SYT1: variants seen among roughly 807,000 people sequenced by gnomAD.
SYT1 encodes the protein synaptotagmin 1, also known as synaptotagmin-1.
Under a neutral mutation model 44.8 loss-of-function variants are expected in SYT1, and 8 were observed. The ratio of observed to expected loss-of-function variants is 0.18; its 90% CI spans 0.10 to 0.32. SYT1 has a LOEUF of 0.32. SYT1 is among the 10% of genes least tolerant of loss of function. The pLI is 1.00. For synonymous variants in SYT1, 154 were observed against 188.8 expected (o/e 0.82, Z 1.51); for missense variants, 286 against 509.3 (o/e 0.56, Z 4.22).
chr12:79,166,822 G>A (rs1333251397), intron 3 of SYT1, among the ~76,000 whole-genome samples: 1 of 151,966 alleles, frequency 6.6e-6, no homozygotes, highest in East Asian at 1.9e-4. Flanking sequence ...AGGATCCTTG[G>A]ACTTGGTAGT....
intron 8 of SYT1, among the ~76,000 whole-genome samples, chr12:79,350,230 C>A (rs1882828516): frequency 6.6e-6 from 1 of 151,696 alleles, no homozygotes; most frequent in Non-Finnish European, 1.5e-5. Context: ...ATCAGGGCCT[C>A]CCCAGGATGC....
intron 2 of SYT1, among the ~76,000 whole-genome samples, chr12:78,981,992 T>A (rs1349376704): frequency 6.6e-6 from 1 of 151,878 alleles, no homozygotes; most frequent in Non-Finnish European, 1.5e-5. Flanking sequence ...AAAAAGGAGG[T>A]ATCTGTCTTG....
At chr12:79,295,240 T>A (rs1879825019) in intron 6 of SYT1, among the ~76,000 whole-genome samples, 1 of 152,176 alleles carries the variant, frequency 6.6e-6, no homozygotes, top group South Asian at 2.1e-4. Context: ...TATGATAGTC[T>A]ACTCACACCT....
intron 1 of SYT1, among the ~76,000 whole-genome samples, chr12:78,912,294 T>C (rs1876383187): frequency 6.6e-6 from 1 of 151,660 alleles, no homozygotes; most frequent in Admixed American, 6.6e-5. Flanking sequence ...AGATGATAAA[T>C]AGAAAAAGGA....
chr12:79,203,668 G>T (rs1880867), intron 3 of SYT1, among the ~76,000 whole-genome samples: 104,610 of 151,724 alleles, frequency 0.69, 36,418 homozygotes, highest in Admixed American at 0.73. Context: ...TGAAAGGAAG[G>T]AATAGCTGTT....
chr12:78,952,431 C>A (rs1490036820), intron 1 of SYT1, among the ~76,000 whole-genome samples: 1 of 152,068 alleles, frequency 6.6e-6, no homozygotes, highest in Non-Finnish European at 1.5e-5. Context: ...ATTTAAAGAG[C>A]CTGGACTGCA....
chr12:79,399,289 A>ATTTTTTT (rs576684760), intron 9 of SYT1, among the ~76,000 whole-genome samples: 4 of 134,186 alleles, frequency 3.0e-5, no homozygotes, highest in Non-Finnish European at 3.2e-5. Context: ...AGTAATTTGA[A>ATTTTTTT]TTTTTTTTTT....
At chr12:78,987,112 T>G (rs1869695791) in intron 2 of SYT1, among the ~76,000 whole-genome samples, 1 of 152,076 alleles carries the variant, frequency 6.6e-6, no homozygotes. Context: ...GCTGTTTGTT[T>G]GCAACTTTTA....
chr12:79,265,491 C>T (rs556658336), intron 4 of SYT1, among the ~76,000 whole-genome samples: 45 of 152,106 alleles, frequency 3.0e-4, no homozygotes, highest in African/African-American at 8.9e-4. Context: ...CTAACTGATA[C>T]GTTTACAAAA....
chr12:79,384,450 T>G (rs1465051), intron 9 of SYT1, among the ~76,000 whole-genome samples: 83,559 of 151,986 alleles, frequency 0.55, 26,079 homozygotes, highest in Non-Finnish European at 0.7. Context: ...ACATTACTTA[T>G]GAGGGCACGT....
At chr12:79,446,443 C>T (rs1302728365) in intron 10 of SYT1, among the ~76,000 whole-genome samples, 5 of 151,918 alleles carry the variant, frequency 3.3e-5, no homozygotes, top group Non-Finnish European at 7.4e-5. Context: ...ATATGATAGC[C>T]ACAGCTGGCC....
intron 8 of SYT1, among the ~76,000 whole-genome samples, chr12:79,332,826 C>G (rs962430019): frequency 6.6e-6 from 1 of 152,146 alleles, no homozygotes; most frequent in African/African-American, 2.4e-5. Context: ...TCTACATTTT[C>G]TACTTCACAC....
At chr12:79,288,982 G>C (rs1037879793) in intron 5 of SYT1, among the ~76,000 whole-genome samples, 1 of 152,002 alleles carries the variant, frequency 6.6e-6, no homozygotes, top group African/African-American at 2.4e-5. Flanking sequence ...TTAAAGATAA[G>C]GTGTTCTCAT....
intron 3 of SYT1, among the ~76,000 whole-genome samples, chr12:79,172,070 A>G (rs1277458221): frequency 6.6e-6 from 1 of 151,960 alleles, no homozygotes; most frequent in Non-Finnish European, 1.5e-5. Context: ...TACTGTAAAA[A>G]CTGAAAAATT....
intron 3 of SYT1, among the ~76,000 whole-genome samples, chr12:79,212,006 T>A (rs1874488078): frequency 6.6e-6 from 1 of 152,214 alleles, no homozygotes; most frequent in African/African-American, 2.4e-5. Flanking sequence ...TTAAATTTTT[T>A]AAGATTTTGC....
chr12:79,060,246 C>T (rs191371478), intron 3 of SYT1, among the ~76,000 whole-genome samples: 1 of 152,002 alleles, frequency 6.6e-6, no homozygotes. Flanking sequence ...CAAACAAAAC[C>T]TACGTCCCTG....
chr12:79,138,062 G>T (rs1198631535), intron 3 of SYT1, among the ~76,000 whole-genome samples: 2 of 152,078 alleles, frequency 1.3e-5, no homozygotes, highest in African/African-American at 4.8e-5. Flanking sequence ...GACAAGAAGG[G>T]CAACATAAAT....
intron 1 of SYT1, among the ~76,000 whole-genome samples, chr12:78,943,475 C>T (rs1878494599): frequency 6.6e-6 from 1 of 152,140 alleles, no homozygotes; most frequent in South Asian, 2.1e-4. Flanking sequence ...CTTATGAACT[C>T]ATTCACTAGC....
At chr12:79,349,339 T>C (rs1044892994) in intron 8 of SYT1, among the ~76,000 whole-genome samples, 19 of 152,140 alleles carry the variant, frequency 1.2e-4, no homozygotes, top group Non-Finnish European at 2.4e-4. Context: ...CAGAAAGATG[T>C]TGGAAAGAAT....
Sources: gnomAD v4.1 joint callset for allele counts (sites outside exome capture counted in the v4.1 genomes callset) on GRCh38, gnomAD v4.1.1 for gene constraint, MANE v1.5 for transcripts, NCBI Gene and HGNC (gene_info 2026-07-23, HGNC 2026-07-21) for gene names.